ESRRG: variants seen among roughly 807,000 people sequenced by gnomAD.
ESRRG encodes the protein estrogen related receptor gamma.
Under a neutral mutation model 44.0 loss-of-function variants are expected in ESRRG, and 13 were observed. That is an observed-to-expected ratio of 0.30 (90% confidence interval 0.19 to 0.47). The LOEUF is 0.47. Among genes scored for constraint, ESRRG ranks in the 20% least tolerant of loss-of-function variants. The pLI is 1.00. For synonymous variants in ESRRG, 215 were observed against 214.6 expected (o/e 1.00, Z -0.02); for missense variants, 395 against 580.6 (o/e 0.68, Z 3.29).
intron 2 of ESRRG, among the ~76,000 whole-genome samples, chr1:216,812,235 T>G (rs1432643473): frequency 6.6e-6 from 1 of 152,228 alleles, no homozygotes; most frequent in Non-Finnish European, 1.5e-5. Flanking sequence ...CCTTGATTTT[T>G]TTAACCTTGT....
At chr1:216,685,666 A>G (rs1575285096) in intron 1 of ESRRG, among the ~76,000 whole-genome samples, 1 of 152,204 alleles carries the variant, frequency 6.6e-6, no homozygotes, top group East Asian at 1.9e-4. Context: ...GAGTTCACAA[A>G]TCAAATCGAG....
chr1:216,841,027 A>C (rs7552063), intron 2 of ESRRG, among the ~76,000 whole-genome samples: 5,094 of 152,210 alleles, frequency 0.033, 298 homozygotes, highest in African/African-American at 0.11. Flanking sequence ...TTGCTGGACA[A>C]AGGGCTGCCA....
intron 2 of ESRRG, among the ~76,000 whole-genome samples, chr1:216,754,301 T>A (rs187680581): frequency 6.6e-6 from 1 of 152,190 alleles, no homozygotes; most frequent in East Asian, 1.9e-4. Flanking sequence ...CATACTCACA[T>A]GATATAGTGC....
At chr1:216,811,430 C>CA (rs996978982) in intron 2 of ESRRG, among the ~76,000 whole-genome samples, 8 of 151,742 alleles carry the variant, frequency 5.3e-5, no homozygotes, top group Non-Finnish European at 2.9e-5. Context: ...TAACAATGCT[C>CA]AAAAAAAATC....
At chr1:216,632,414 A>G (rs2064385679) in intron 3 of ESRRG, among the ~76,000 whole-genome samples, 1 of 152,224 alleles carries the variant, frequency 6.6e-6, no homozygotes. Flanking sequence ...AATCCTAGTT[A>G]TATCTCATTT....
intron 5 of ESRRG, among the ~76,000 whole-genome samples, chr1:216,550,054 G>T (rs1470067849): frequency 3.9e-5 from 6 of 151,948 alleles, no homozygotes; most frequent in Admixed American, 3.9e-4. Flanking sequence ...GTTAGAAGTT[G>T]AAAAAAAGCA....
At chr1:216,886,493 T>C (rs1298149727) in intron 2 of ESRRG, among the ~76,000 whole-genome samples, 7 of 152,204 alleles carry the variant, frequency 4.6e-5, no homozygotes, top group Admixed American at 3.3e-4. Context: ...AAGCCATCTT[T>C]GGGTTTGAAA....
At chr1:216,796,572 A>G (rs939852849) in intron 2 of ESRRG, among the ~76,000 whole-genome samples, 3 of 152,148 alleles carry the variant, frequency 2.0e-5, no homozygotes, top group Admixed American at 2.0e-4. Flanking sequence ...TAATAAATAC[A>G]CAGTCTTCCA....
intron 6 of ESRRG, among the ~76,000 whole-genome samples, chr1:216,513,538 A>C (rs1420918006): frequency 6.6e-6 from 1 of 152,160 alleles, no homozygotes; most frequent in Non-Finnish European, 1.5e-5. Flanking sequence ...TGCTGTGGCT[A>C]AAAAGCTAGT....
intron 2 of ESRRG, among the ~76,000 whole-genome samples, chr1:216,857,535 T>C (rs1034256040): frequency 2.0e-5 from 3 of 152,028 alleles, no homozygotes; most frequent in African/African-American, 7.2e-5. Context: ...CATACTATCA[T>C]ATTTAAAAAT....
chr1:217,061,591 A>G (rs1240175639), intron 1 of ESRRG, among the ~76,000 whole-genome samples: 2 of 152,100 alleles, frequency 1.3e-5, no homozygotes, highest in African/African-American at 4.8e-5. Flanking sequence ...TCTTCCCCCA[A>G]AGGAATGTCC....
intron 2 of ESRRG, among the ~76,000 whole-genome samples, chr1:216,791,510 A>T (rs2094319248): frequency 6.6e-6 from 1 of 152,088 alleles, no homozygotes; most frequent in Admixed American, 6.6e-5. Context: ...GATCTAATAC[A>T]CAGAGGAAAG....
At chr1:216,655,361 G>T (rs1574846725) in intron 2 of ESRRG, among the ~76,000 whole-genome samples, 1 of 152,078 alleles carries the variant, frequency 6.6e-6, no homozygotes, top group South Asian at 2.1e-4. Context: ...ATGCAGTACT[G>T]GCGTACTGGC....
chr1:216,709,217 A>T (rs977156546), intron 1 of ESRRG, among the ~76,000 whole-genome samples: 1 of 151,784 alleles, frequency 6.6e-6, no homozygotes, highest in African/African-American at 2.4e-5. Context: ...AGTATAATTT[A>T]AAAAAAAGAA....
At chr1:216,916,344 T>C (rs2061164938) in intron 2 of ESRRG, among the ~76,000 whole-genome samples, 1 of 152,238 alleles carries the variant, frequency 6.6e-6, no homozygotes, top group Non-Finnish European at 1.5e-5. Flanking sequence ...ATGCCCCGCA[T>C]GTGTGTATGT....
At chr1:216,528,791 C>G (rs1427028944) in intron 5 of ESRRG, among the ~76,000 whole-genome samples, 2 of 152,022 alleles carry the variant, frequency 1.3e-5, no homozygotes, top group East Asian at 3.9e-4. Flanking sequence ...GAATCAAAAA[C>G]AGCAAGGAGG....
chr1:216,987,648 A>G (rs2150468578), intron 1 of ESRRG, among the ~76,000 whole-genome samples: 1 of 152,322 alleles, frequency 6.6e-6, no homozygotes, highest in African/African-American at 2.4e-5. Context: ...TATGAGCTTA[A>G]GTCCAGGACA....
At chr1:216,851,549 T>C (rs566984047) in intron 2 of ESRRG, among the ~76,000 whole-genome samples, 2 of 152,108 alleles carry the variant, frequency 1.3e-5, no homozygotes, top group East Asian at 1.9e-4. Context: ...CTCTTTCCAC[T>C]GTATGAGGAT....
chr1:216,951,858 A>T (rs955287548), intron 1 of ESRRG, among the ~76,000 whole-genome samples: 11 of 151,380 alleles, frequency 7.3e-5, no homozygotes, highest in African/African-American at 2.7e-4. Context: ...ACACACACAG[A>T]CATATACACA....
Sources: gnomAD v4.1 joint callset for allele counts (sites outside exome capture counted in the v4.1 genomes callset) on GRCh38, gnomAD v4.1.1 for gene constraint, MANE v1.5 for transcripts, NCBI Gene and HGNC (gene_info 2026-07-23, HGNC 2026-07-21) for gene names.